The following TMTC2 variants were observed in gnomAD, a reference collection of about 807,000 sequenced individuals.
TMTC2 encodes transmembrane O-mannosyltransferase targeting cadherins 2, also known as protein O-mannosyl-transferase TMTC2.
Under a neutral mutation model 82.4 loss-of-function variants are expected in TMTC2, and 43 were observed. The ratio of observed to expected loss-of-function variants is 0.52; its 90% confidence interval spans 0.41 to 0.67. The LOEUF is 0.67. Among genes scored for constraint, TMTC2 ranks in the 30% least tolerant of loss-of-function variants. TMTC2 has a pLI of 0.00. For missense variants in TMTC2, 919 were observed against 1,012.4 expected, an observed-to-expected ratio of 0.91 and a Z score of 1.25; for synonymous variants, 408 against 381.9, an observed-to-expected ratio of 1.07 and a Z score of -0.80.
chr12:82,844,416 C>A (rs1302220444), intron 1 of TMTC2, among the ~76,000 whole-genome samples: 1 of 152,120 alleles, frequency 6.6e-6, no homozygotes, highest in Non-Finnish European at 1.5e-5. Flanking sequence ...AAAGATTATA[C>A]CTTTTGTTCT....
At chr12:82,923,561 C>T (rs1034262497) in intron 3 of TMTC2, among the ~76,000 whole-genome samples, 3 of 151,830 alleles carry the variant, frequency 2.0e-5, no homozygotes, top group African/African-American at 7.3e-5. Flanking sequence ...AGTTCTTTTC[C>T]ATTCCACAGA....
At chr12:83,014,788 A>G (rs981060389) in intron 8 of TMTC2, among the ~76,000 whole-genome samples, 3 of 152,204 alleles carry the variant, frequency 2.0e-5, no homozygotes, top group South Asian at 2.1e-4. Flanking sequence ...AATATATGTT[A>G]CCTTATTTAA....
intron 1 of TMTC2, among the ~76,000 whole-genome samples, chr12:82,734,001 T>C (rs1874962265): frequency 6.6e-6 from 1 of 152,200 alleles, no homozygotes; most frequent in African/African-American, 2.4e-5. Flanking sequence ...TTTAAACCTT[T>C]ATTGAAGAAC....
chr12:82,819,833 G>T (rs1362709302), intron 1 of TMTC2, among the ~76,000 whole-genome samples: 1 of 151,944 alleles, frequency 6.6e-6, no homozygotes, highest in African/African-American at 2.4e-5. Context: ...AGTGTATTAG[G>T]GTTCTCTACA....
intron 4 of TMTC2, among the ~76,000 whole-genome samples, chr12:82,957,579 A>G (rs1032911842): frequency 1.3e-5 from 2 of 152,144 alleles, no homozygotes; most frequent in African/African-American, 4.8e-5. Flanking sequence ...GAATCAATGA[A>G]CCCAAAAGTT....
At position 82,992,556 on chromosome 12, in the gene TMTC2, C is replaced by T. The variant is rs1326451971; in HGVS notation, c.2070+6510C>T. Among the ~76,000 whole-genome samples, 15 of 152,252 alleles carry T rather than the reference C, an allele frequency of 9.9e-5. No individual in the cohort carries two copies. The East Asian group carries it at 2.1e-3, about 22-fold the overall frequency. On this transcript the variant is annotated intron_variant, in intron 8 of 11. Coordinates refer to ENST00000321196, the MANE Select transcript of TMTC2 (RefSeq NM_152588.3). ...GAAAATATAGAAGGAAGTTTAATCA[C>T]CACAATATATTCAGCTAAGCCTTTA...
At chr12:82,824,978 A>C (rs1354438535) in intron 1 of TMTC2, among the ~76,000 whole-genome samples, 2 of 152,094 alleles carry the variant, frequency 1.3e-5, no homozygotes, top group Non-Finnish European at 1.5e-5. Flanking sequence ...TATCCCAGCT[A>C]CTTGGGAGCC....
At chr12:82,733,350 A>G (rs1305719919) in intron 1 of TMTC2, among the ~76,000 whole-genome samples, 1 of 152,204 alleles carries the variant, frequency 6.6e-6, no homozygotes, top group African/African-American at 2.4e-5. Context: ...TATTGTGATA[A>G]ATGTTTGGGA....
intron 1 of TMTC2, among the ~76,000 whole-genome samples, chr12:82,737,308 C>A (rs1321309908): frequency 6.6e-6 from 1 of 152,108 alleles, no homozygotes; most frequent in Non-Finnish European, 1.5e-5. Flanking sequence ...GCTAAACAGT[C>A]TAACACTTTT....
At chr12:82,804,018 C>T (rs1283410661) in intron 1 of TMTC2, among the ~76,000 whole-genome samples, 2 of 152,012 alleles carry the variant, frequency 1.3e-5, no homozygotes, top group African/African-American at 2.4e-5. Context: ...GGATTCATCT[C>T]CGGCAGTTTA....
intron 11 of TMTC2, among the ~76,000 whole-genome samples, chr12:83,066,852 A>G (rs960268479): frequency 3.9e-5 from 6 of 152,026 alleles, no homozygotes; most frequent in Non-Finnish European, 7.4e-5. Flanking sequence ...TCTAAGAACC[A>G]AATGTTTAGA....
rs1166676339 is a variant in TMTC2 at position 83,040,714 on chromosome 12, C to T, written c.2152+9835C>T. Reference sequence around the variant, plus strand: ...TTTTTTTTTTCTTTTGAGACGGAGTCTCGCTCAGTCGCCCAGGCTGAAGCG... The same window carrying T: ...TTTTTTTTTTCTTTTGAGACGGAGTTTCGCTCAGTCGCCCAGGCTGAAGCG... On this transcript the variant is annotated intron_variant, in intron 9 of 11. Coordinates refer to ENST00000321196, the MANE Select transcript of TMTC2 (RefSeq NM_152588.3). Among the ~76,000 whole-genome samples the T allele has an allele frequency of 3.0e-5, 4 of 132,402 alleles. No homozygotes were observed. The Admixed American group carries it at 3.4e-4, about 11-fold the overall frequency. 86.9% of individuals were successfully genotyped at this position (132,402 alleles called of 152,430 possible). A position where few individuals can be genotyped will look rare whatever the true frequency, so the allele number is the denominator to read the frequency against.
At chr12:82,879,970 G>A (rs567638052) in intron 2 of TMTC2, among the ~76,000 whole-genome samples, 10 of 152,298 alleles carry the variant, frequency 6.6e-5, no homozygotes, top group African/African-American at 2.4e-4. Context: ...TGTAACAGGT[G>A]TTTAAATTCA....
intron 2 of TMTC2, among the ~76,000 whole-genome samples, chr12:82,865,617 A>T (rs2137127653): frequency 6.6e-6 from 1 of 152,310 alleles, no homozygotes; most frequent in East Asian, 1.9e-4. Context: ...CAGGAAATTA[A>T]CAAGGTTATC....
At chr12:83,108,998 T>C (rs950453931) in intron 11 of TMTC2, among the ~76,000 whole-genome samples, 6 of 152,198 alleles carry the variant, frequency 3.9e-5, no homozygotes, top group Admixed American at 1.3e-4. Context: ...CCATTTGTTC[T>C]CCCTAAAAGG....
At chr12:82,925,569 C>T (rs964531687) in intron 3 of TMTC2, among the ~76,000 whole-genome samples, 1 of 151,962 alleles carries the variant, frequency 6.6e-6, no homozygotes, top group African/African-American at 2.4e-5. Flanking sequence ...TGGTCAGTGC[C>T]GTTTTTCCAA....
intron 1 of TMTC2, among the ~76,000 whole-genome samples, chr12:82,769,703 C>T (rs11115396): frequency 0.16 from 24,971 of 151,986 alleles, 2,563 homozygotes; most frequent in African/African-American, 0.28. Context: ...CTCCACCTCC[C>T]GGGTTCATGT....
chr12:82,807,954 T>C (rs1879316779), intron 1 of TMTC2, among the ~76,000 whole-genome samples: 1 of 152,046 alleles, frequency 6.6e-6, no homozygotes, highest in Non-Finnish European at 1.5e-5. Context: ...GACTTTCTTA[T>C]AATGGGCTTT....
intron 3 of TMTC2, among the ~76,000 whole-genome samples, chr12:82,903,474 C>T (rs556497132): frequency 1.3e-5 from 2 of 152,140 alleles, no homozygotes; most frequent in South Asian, 2.1e-4. Context: ...TGCAGTGGCG[C>T]GATCTCGCCT....
Sources: allele counts gnomAD v4.1 joint callset (sites outside exome capture counted in the v4.1 genomes callset), GRCh38; gene constraint gnomAD v4.1.1; transcripts MANE v1.5; gene names NCBI Gene and HGNC (gene_info 2026-07-23, HGNC 2026-07-21).